Variants in COLEC12 observed in about 807,000 individuals in gnomAD.
COLEC12 encodes collectin-12.
Under a neutral mutation model 71.1 loss-of-function variants are expected in COLEC12, and 33 were observed. The ratio of observed to expected loss-of-function variants is 0.46; its 90% CI spans 0.35 to 0.62. COLEC12 has a LOEUF of 0.62. Ranked by LOEUF, COLEC12 falls within the 20% of genes least tolerant of loss-of-function variation. The probability of loss-of-function intolerance (pLI) is 0.00; values close to 1 mark genes in which losing one functional copy is unlikely to be tolerated. For synonymous variants in COLEC12, 350 were observed against 353.0 expected, an observed-to-expected ratio of 0.99 and a Z score of 0.10; for missense variants, 765 against 916.1, an observed-to-expected ratio of 0.84 and a Z score of 2.13.
At chr18:343,790 C>T (rs180963113) in intron 5 of COLEC12, among the ~76,000 whole-genome samples, 37 of 152,274 alleles carry the variant, frequency 2.4e-4, no homozygotes, top group Admixed American at 2.0e-3. Context: ...CCTTCTAAGC[C>T]TTAATTTCCT....
rs34395012 is a variant in COLEC12, at chr18:357,443, C to G, written c.138G>C (p.Leu46Phe). The G allele has an allele frequency of 0.022, 35,907 of 1,602,800 alleles. 473 individuals are homozygous for G. The highest frequency in any genetic ancestry group is 0.026 in the Non-Finnish European group (30,649 of 1,175,718). Residue 46 changes from leucine (L) to phenylalanine (F), a missense_variant, in exon 3 of 10, where the codon TTG becomes TTC. Physicochemically the swap from Leu to Phe is conservative, Grantham distance 22. Transcript: ENST00000400256. Reference protein sequence around the residue: ...LKFSIILLYILCALLTITVAI... With the variant: ...LKFSIILLYIFCALLTITVAI... ...CTACTGTGATTGTTAGCAAGGCACACAAAATGTATAATAATATGATAGAAA... is the reference window on the plus strand; with the variant it reads ...CTACTGTGATTGTTAGCAAGGCACAGAAAATGTATAATAATATGATAGAAA...
chr18:436,528 G>GAA (rs1567907520), intron 2 of COLEC12, among the ~76,000 whole-genome samples: 56 of 59,334 alleles, frequency 9.4e-4, no homozygotes, highest in Non-Finnish European at 1.1e-3. Flanking sequence ...AAAAAAAAGG[G>GAA]GGGGGGGGGG....
intron 2 of COLEC12, among the ~76,000 whole-genome samples, chr18:440,446 G>T (rs1916496488): frequency 6.6e-6 from 1 of 151,722 alleles, no homozygotes; most frequent in Non-Finnish European, 1.5e-5. Context: ...AATATTTATG[G>T]TAACCATTTC....
intron 2 of COLEC12, among the ~76,000 whole-genome samples, chr18:402,761 A>G (rs1030640934): frequency 6.6e-6 from 1 of 151,868 alleles, no homozygotes; most frequent in African/African-American, 2.4e-5. Flanking sequence ...GAGTGTGCAC[A>G]CAAGCAGGAA....
chr18:437,012 C>T (rs1030728898), intron 2 of COLEC12, among the ~76,000 whole-genome samples: 1 of 152,090 alleles, frequency 6.6e-6, no homozygotes, highest in African/African-American at 2.4e-5. Context: ...TAGGAGCTTC[C>T]AAGGTGAGAA....
intron 4 of COLEC12, 22 bp downstream of exon 4, chr18:348,043 G>A (rs777356588): frequency 6.0e-6 from 9 of 1,504,002 alleles, no homozygotes; most frequent in Non-Finnish European, 8.3e-6. Context: ...GGATTTCATG[G>A]TTTAGTCTTG....
At chr18:447,519 T>C (rs1330647548) in intron 2 of COLEC12, among the ~76,000 whole-genome samples, 2 of 152,144 alleles carry the variant, frequency 1.3e-5, no homozygotes, top group African/African-American at 2.4e-5. Flanking sequence ...TTGACTCCCA[T>C]GCCAGACCAA....
intron 2 of COLEC12, among the ~76,000 whole-genome samples, chr18:421,513 A>G (rs1306396911): frequency 1.3e-5 from 2 of 152,160 alleles, no homozygotes; most frequent in Non-Finnish European, 2.9e-5. Flanking sequence ...TGAACGACTC[A>G]GAGGAATGTA....
chr18:464,057 A>G (rs1355063362), intron 2 of COLEC12, among the ~76,000 whole-genome samples: 46 of 151,994 alleles, frequency 3.0e-4, no homozygotes, highest in Admixed American at 3.0e-3. Flanking sequence ...CCCTGAGCTA[A>G]TCCCTGCCTG....
intron 2 of COLEC12, among the ~76,000 whole-genome samples, chr18:445,371 T>C (rs1916626759): frequency 6.6e-6 from 1 of 152,216 alleles, no homozygotes; most frequent in African/African-American, 2.4e-5. Flanking sequence ...CCTCATTTGT[T>C]TGAGCCCCAA....
At chr18:443,577 G>A (rs1916586814) in intron 2 of COLEC12, among the ~76,000 whole-genome samples, 1 of 152,332 alleles carries the variant, frequency 6.6e-6, no homozygotes, top group Non-Finnish European at 1.5e-5. Context: ...CTTTAGATAT[G>A]TGCCTGCATC....
intron 5 of COLEC12, among the ~76,000 whole-genome samples, chr18:344,132 T>A (rs113788194): frequency 0.012 from 1,808 of 152,288 alleles, 44 homozygotes; most frequent in African/African-American, 0.041. Flanking sequence ...AATTTTTTTT[T>A]AAATCATTTG....
chr18:459,825 T>C (rs1395013558), intron 2 of COLEC12, among the ~76,000 whole-genome samples: 1 of 152,264 alleles, frequency 6.6e-6, no homozygotes, highest in African/African-American at 2.4e-5. Flanking sequence ...CGGTTAACCC[T>C]GAAACCAATC....
chr18:340,641 C>G (rs1424626530), intron 5 of COLEC12, among the ~76,000 whole-genome samples: 1 of 152,156 alleles, frequency 6.6e-6, no homozygotes, highest in Non-Finnish European at 1.5e-5. Flanking sequence ...TTACTGCCAT[C>G]CAAAATCTTA....
At chr18:463,182 T>C (rs1189155988) in intron 2 of COLEC12, among the ~76,000 whole-genome samples, 1 of 152,232 alleles carries the variant, frequency 6.6e-6, no homozygotes, top group East Asian at 1.9e-4. Context: ...TCAGCCCCTC[T>C]AGAAAGTGAT....
chr18:468,942 A>C (rs1452837173), intron 2 of COLEC12, among the ~76,000 whole-genome samples: 3 of 152,264 alleles, frequency 2.0e-5, no homozygotes, highest in South Asian at 2.1e-4. Flanking sequence ...ATTGTGCTTT[A>C]AGTGAACATA....
intron 2 of COLEC12, among the ~76,000 whole-genome samples, chr18:429,516 G>T (rs1366998299): frequency 6.6e-6 from 1 of 151,756 alleles, no homozygotes; most frequent in Non-Finnish European, 1.5e-5. Flanking sequence ...TGAGTAACTG[G>T]GATTACAGGT....
intron 2 of COLEC12, among the ~76,000 whole-genome samples, chr18:365,740 A>G (rs902606730): frequency 2.8e-4 from 43 of 152,260 alleles, no homozygotes; most frequent in African/African-American, 1.0e-3. Context: ...TTTTTTTCTT[A>G]CCAATACCTC....
intron 1 of COLEC12, among the ~76,000 whole-genome samples, chr18:499,076 C>T (rs776066279): frequency 7.9e-5 from 12 of 152,150 alleles, no homozygotes; most frequent in Admixed American, 3.9e-4. Flanking sequence ...AACTGAGCCC[C>T]AGATAACTTT....
Sources: allele counts gnomAD v4.1 joint callset (sites outside exome capture counted in the v4.1 genomes callset), GRCh38; gene constraint gnomAD v4.1.1; transcripts MANE v1.5; gene names NCBI Gene and HGNC (gene_info 2026-07-23, HGNC 2026-07-21).